The following WDFY3 variants were observed in gnomAD, a reference collection of about 807,000 sequenced individuals.
The protein encoded by WDFY3 is WD repeat and FYVE domain-containing protein 3.
WDFY3 carries 66 observed loss-of-function variants against 409.6 expected under a neutral mutation model. The ratio of observed to expected loss-of-function variants is 0.16; its 90% CI spans 0.13 to 0.20. The LOEUF is 0.20. WDFY3 is among the 10% of genes least tolerant of loss of function. The probability of loss-of-function intolerance (pLI) is 1.00; values close to 1 mark genes in which losing one functional copy is unlikely to be tolerated. For synonymous variants in WDFY3, 1,521 were observed against 1,537.1 expected (o/e 0.99, Z 0.25); for missense variants, 3,031 against 4,298.1 (o/e 0.71, Z 8.24).
chr4:84,822,678 C>CT, intron 10 of WDFY3, among the ~76,000 whole-genome samples: 1 of 152,254 alleles, frequency 6.6e-6, no homozygotes, highest in South Asian at 2.1e-4. Flanking sequence ...CACCACTGCA[C>CT]TTCAGCCTGG....
chr4:84,808,756 A>G (rs923195779), intron 14 of WDFY3: 5 of 178,110 alleles, frequency 2.8e-5, no homozygotes, highest in African/African-American at 1.2e-4. Context: ...ACAAATTTAT[A>G]TAGCTCATTC....
At chr4:84,724,983 C>T (rs1735434349) in intron 45 of WDFY3, among the ~76,000 whole-genome samples, 1 of 152,210 alleles carries the variant, frequency 6.6e-6, no homozygotes, top group South Asian at 2.1e-4. Context: ...TGGAACTTCA[C>T]TTCCACCCCA....
rs1401673076 is a variant in WDFY3, at chr4:84,821,230, G to A, written c.1445C>T (p.Ala482Val). Residue 482 changes from alanine (A) to valine (V), a missense_variant, in exon 11 of 68, where the codon GCA (alanine) becomes GTA (valine). By Grantham distance (64) the Ala-to-Val change is moderately conservative (BLOSUM62 0). Around this residue, in one of 16 missense-constraint regions of WDFY3, gnomAD observed 1,322 missense variants for 1,697.9 expected, o/e 0.78. Transcript: ENST00000295888. ...SSSSYHCSII[A>V]MKTLLKFTRH... Reference sequence around the variant, plus strand: ...TGTAAACTTAAGAAGTGTTTTCATTGCAATAATGCTACAGTGATAAGAAGA... The same window carrying A: ...TGTAAACTTAAGAAGTGTTTTCATTACAATAATGCTACAGTGATAAGAAGA... 1.9e-6 allele frequency: 3 copies of A among 1,613,672 alleles called. No homozygotes were observed. The highest frequency in any genetic ancestry group is 2.5e-6 in the Non-Finnish European group (3 of 1,179,794).
At position 84,765,873 on chromosome 4, in the gene WDFY3, T is replaced by C. The variant is rs1400090267; in HGVS notation, c.5125A>G (p.Ser1709Gly). ...GTCTGTTCAAGCCATCCTCCACCACTGAGTCCTTCTTTAAACTTGATGAGA... is the reference window on the plus strand; with the variant it reads ...GTCTGTTCAAGCCATCCTCCACCACCGAGTCCTTCTTTAAACTTGATGAGA... ...SILIKFKEGLSGGGWLEQTDS... is the reference protein window; with the variant it reads ...SILIKFKEGLGGGGWLEQTDS... Residue 1709 changes from serine (S) to glycine (G), a missense_variant, in exon 32 of 68, where the codon AGT (serine) becomes GGT (glycine). Transcript: ENST00000295888. The C allele has an allele frequency of 6.2e-7, 1 of 1,613,956 alleles. No individual in the cohort carries two copies. The highest frequency in any genetic ancestry group is 8.5e-7 in the Non-Finnish European group (1 of 1,179,924).
At chr4:84,831,670 T>C (rs1755758358) in intron 7 of WDFY3, 65 bp from the exon 8 acceptor site, 3 of 1,459,402 alleles carry the variant, frequency 2.1e-6, no homozygotes, top group Non-Finnish European at 1.9e-6. Flanking sequence ...GATTTAAAAA[T>C]GGGCAAATGA....
At chr4:84,700,088 C>T (rs1282421973) in intron 56 of WDFY3, among the ~76,000 whole-genome samples, 1 of 152,012 alleles carries the variant, frequency 6.6e-6, no homozygotes, top group African/African-American at 2.4e-5. Context: ...GTTGTTGTTG[C>T]TTGTAATTTT....
chr4:84,802,241 C>T (rs1439706376), intron 16 of WDFY3, among the ~76,000 whole-genome samples: 1 of 151,740 alleles, frequency 6.6e-6, no homozygotes, highest in Non-Finnish European at 1.5e-5. Context: ...GCCACCGCAC[C>T]CGGCAGAAGC....
chr4:84,943,658 G>GC (rs1579230223), intron 1 of WDFY3, among the ~76,000 whole-genome samples: 1 of 152,014 alleles, frequency 6.6e-6, no homozygotes, highest in East Asian at 1.9e-4. Flanking sequence ...ACTTCCCCTA[G>GC]CCCCAACATG....
chr4:84,856,691 C>T (rs1759802601), intron 4 of WDFY3, among the ~76,000 whole-genome samples: 1 of 152,130 alleles, frequency 6.6e-6, no homozygotes, highest in South Asian at 2.1e-4. Context: ...AGGCAAAAAT[C>T]ATGCACTGAA....
rs570368866 is a variant in WDFY3, at chr4:84,700,375, T to C, written c.8596+1978A>G. On this transcript the variant is annotated intron_variant, in intron 56 of 67. Coordinates refer to ENST00000295888, the MANE Select transcript of WDFY3 (RefSeq NM_014991.6). ...CACATCACCACGCCCAGCTAATTTT[T>C]GTATTTTTTGTAGAGATGAGGTTTT... 4.6e-5 allele frequency among the ~76,000 whole-genome samples: 7 copies of C among 152,274 alleles called. No individual in the cohort carries two copies. In the East Asian group the frequency reaches 1.2e-3, roughly 25 times the overall value.
chr4:84,892,433 CT>C (rs1482160848), intron 3 of WDFY3, among the ~76,000 whole-genome samples: 1 of 151,870 alleles, frequency 6.6e-6, no homozygotes, highest in African/African-American at 2.4e-5. Flanking sequence ...TTTTAAAATA[CT>C]TTTTAAAAAG....
chr4:84,853,032 T>C (rs1759245691), intron 4 of WDFY3, among the ~76,000 whole-genome samples: 1 of 152,168 alleles, frequency 6.6e-6, no homozygotes, highest in South Asian at 2.1e-4. Flanking sequence ...GTGCTGGGAA[T>C]ACAGGCATGA....
At chr4:84,736,122 T>C in intron 42 of WDFY3, 48 bp downstream of exon 42, 3 of 1,556,436 alleles carry the variant, frequency 1.9e-6, no homozygotes, top group Non-Finnish European at 2.6e-6. Context: ...GTTAAGTATA[T>C]TATACAAAAT....
At chr4:84,887,954 T>C (rs928649219) in intron 3 of WDFY3, among the ~76,000 whole-genome samples, 8 of 152,162 alleles carry the variant, frequency 5.3e-5, no homozygotes, top group Non-Finnish European at 8.8e-5. Context: ...ACAAAACCCA[T>C]GTTTACTTTG....
At position 84,787,651 on chromosome 4, in the gene WDFY3, C is replaced by T. The variant is rs150471140; in HGVS notation, c.3732G>A (p.Thr1244=). The T allele has an allele frequency of 3.5e-4, 568 of 1,614,104 alleles. 1 individual carries two copies. The African/African-American group carries it at 5.7e-3, about 16-fold the overall frequency. The change falls in exon 23 of 68, where the codon ACG becomes ACA. Residue 1244 remains threonine (T), a synonymous_variant. Transcript: ENST00000295888. ...SGSANPPVVS[T]VYAYIGTPPA... ...GTGGAGTACCAATGTAGGCATAGAC[C>T]GTGCTCACCACTGGTGGATTTGCCG...
chr4:84,790,049 A>G lies in WDFY3; in HGVS notation c.3488-142T>C, dbSNP rs953163380. Reference sequence around the variant, plus strand: ...GATTTGAGTAATAATACAACTCTGGAAAAAAAAATGATAATGCGGGTTGGG... The same window carrying G: ...GATTTGAGTAATAATACAACTCTGGGAAAAAAAATGATAATGCGGGTTGGG... On this transcript the variant is annotated intron_variant, in intron 21 of 67. Transcript: ENST00000295888. 18 of 926,542 alleles carry G rather than the reference A, an allele frequency of 1.9e-5. 1 individual carries two copies. The highest frequency in any genetic ancestry group is 7.5e-5 in the South Asian group (4 of 53,396). 57.4% of individuals were successfully genotyped at this position (926,542 alleles called of 1,614,324 possible). A position where few individuals can be genotyped will look rare whatever the true frequency, so the allele number is the denominator to read the frequency against.
chr4:84,683,793 T>C (rs993409302), intron 63 of WDFY3, 150 bp downstream of exon 63: 13 of 687,044 alleles, frequency 1.9e-5, no homozygotes, highest in Middle Eastern at 4.4e-4. Flanking sequence ...TCATGTCTGA[T>C]AACGCAGAGG....
chr4:84,837,088 T>G lies in WDFY3; in HGVS notation c.417A>C (p.Lys139Asn). The change falls in exon 7 of 68, where the codon AAA (lysine) becomes AAC (asparagine). Residue 139 changes from lysine (K) to asparagine (N), a missense_variant and splice_region_variant. By Grantham distance (94) the Lys-to-Asn change is moderately conservative. Transcript: ENST00000295888. ...ACATTGTTGTCATGCAGTCCACGGT[T>G]TTCTGGAAAACAAGCCAATAAATAA... ...TINLLASSGQKTVDCMTTMSV... is the reference protein window; with the variant it reads ...TINLLASSGQNTVDCMTTMSV... 6.7e-7 allele frequency: 1 copy of G among 1,502,820 alleles called. No individual in the cohort carries two copies. Among genetic ancestry groups the G allele is most frequent in the East Asian group, 2.5e-5 (1 of 40,016 alleles). 93.1% of individuals were successfully genotyped at this position (1,502,820 alleles called of 1,614,324 possible). A position where few individuals can be genotyped will look rare whatever the true frequency, so the allele number is the denominator to read the frequency against.
chr4:84,708,898 T>G lies in WDFY3; in HGVS notation c.8217+11A>C. ...ATGTGTTCTACGTAAGCAAAATGAC[T>G]TAAGATTTACCTCTGAGTCATAATC... On this transcript the variant is annotated intron_variant, in intron 53 of 67. Coordinates refer to ENST00000295888, the MANE Select transcript of WDFY3 (RefSeq NM_014991.6). The G allele has an allele frequency of 6.2e-7, 1 of 1,610,240 alleles. No individual in the cohort carries two copies. Among genetic ancestry groups the G allele is most frequent in the Non-Finnish European group, 8.5e-7 (1 of 1,178,712 alleles).
Sources: gnomAD v4.1 joint callset for allele counts (sites outside exome capture counted in the v4.1 genomes callset) on GRCh38, gnomAD v4.1.1 for gene constraint, gnomAD v4.1.1 regional missense constraint, MANE v1.5 for transcripts, NCBI Gene and HGNC (gene_info 2026-07-23, HGNC 2026-07-21) for gene names.